The following BEAN1 variants were observed in gnomAD, a reference collection of about 807,000 sequenced individuals.
BEAN1 encodes the protein brain expressed associated with NEDD4 1.
BEAN1 carries 17 observed loss-of-function variants against 17.7 expected under a neutral mutation model. The observed-to-expected ratio is 0.96, with a 90% CI of 0.66 to 1.44. The LOEUF is 1.44. Ranked by LOEUF, BEAN1 falls within the 40% of genes most tolerant of loss-of-function variation. The probability of loss-of-function intolerance (pLI) is 0.00; values close to 1 mark genes in which losing one functional copy is unlikely to be tolerated. For synonymous variants in BEAN1, 142 were observed against 151.8 expected (o/e 0.94, Z 0.47); for missense variants, 359 against 374.1 (o/e 0.96, Z 0.33).
intron 4 of BEAN1, among the ~76,000 whole-genome samples, chr16:66,487,988 G>A (rs554435377): frequency 1.3e-5 from 2 of 152,260 alleles, no homozygotes; most frequent in African/African-American, 2.4e-5. Context: ...AGGCTGCAGC[G>A]AGCCAATGGG....
chr16:66,448,962 A>G (rs1033975583), intron 2 of BEAN1, among the ~76,000 whole-genome samples: 10 of 152,166 alleles, frequency 6.6e-5, no homozygotes, highest in Non-Finnish European at 1.0e-4. Context: ...GTGAGCTACA[A>G]TCTTGCCACT....
chr16:66,479,061 AC>A (rs1963881778), intron 4 of BEAN1: 1 of 152,232 alleles, frequency 6.6e-6, no homozygotes, highest in African/African-American at 2.4e-5. Context: ...CAGGCATGTC[AC>A]TGTGGCTCTC....
intron 2 of BEAN1, among the ~76,000 whole-genome samples, chr16:66,468,807 G>A (rs1270367089): frequency 6.6e-6 from 1 of 152,132 alleles, no homozygotes; most frequent in African/African-American, 2.4e-5. Flanking sequence ...CAGGACCCCA[G>A]CTCCCAAGGC....
chr16:66,474,486 GAC>G (rs965732791), intron 3 of BEAN1, among the ~76,000 whole-genome samples: 3 of 148,372 alleles, frequency 2.0e-5, no homozygotes, highest in African/African-American at 5.0e-5. Flanking sequence ...AGTCTAGCCA[GAC>G]ACAGAGAGGA....
chr16:66,437,671 G>T lies in BEAN1; in HGVS notation c.-6G>T, dbSNP rs1420302457. ...GCTGGCTCCGCTGTTCTGCTCCAAG[G>T]ATTACATGTCCTTCAAACGTCCCTG... On this transcript the variant is annotated 5_prime_UTR_variant, in exon 2 of 5. Coordinates refer to ENST00000536005, the MANE Select transcript of BEAN1 (RefSeq NM_001178020.3). 2 of 1,536,022 alleles carry T rather than the reference G, an allele frequency of 1.3e-6. No homozygotes were observed. The highest frequency in any genetic ancestry group is 1.7e-6 in the Non-Finnish European group (2 of 1,146,838).
chr16:66,438,300 C>T (rs1248644952), intron 2 of BEAN1, among the ~76,000 whole-genome samples: 4 of 152,096 alleles, frequency 2.6e-5, no homozygotes, highest in African/African-American at 9.7e-5. Context: ...AGGAGAATTG[C>T]TTGAATCCGG....
At chr16:66,446,296 A>G (rs965096021) in intron 2 of BEAN1, among the ~76,000 whole-genome samples, 2 of 152,122 alleles carry the variant, frequency 1.3e-5, no homozygotes, top group Non-Finnish European at 2.9e-5. Flanking sequence ...TTGAAGGTGA[A>G]ACTGTTAGGA....
intron 3 of BEAN1, 88 bp from the exon 4 acceptor site, chr16:66,477,472 C>A: frequency 7.5e-7 from 1 of 1,326,786 alleles, no homozygotes; most frequent in Non-Finnish European, 9.8e-7. Context: ...GAATCAGAGC[C>A]TCCATGGCCC....
At chr16:66,489,033 G>C (rs193204807) in intron 4 of BEAN1, among the ~76,000 whole-genome samples, 156 of 152,136 alleles carry the variant, frequency 1.0e-3, no homozygotes, top group African/African-American at 3.7e-3. Flanking sequence ...TTAGCTGGGC[G>C]TGGTGGCGGG....
intron 4 of BEAN1, 150 bp from the exon 5 acceptor site, chr16:66,480,436 G>T: frequency 1.6e-6 from 1 of 621,048 alleles, no homozygotes; most frequent in Non-Finnish European, 2.7e-6. Flanking sequence ...ATGGAGGGAA[G>T]TAGCAGGGTT....
chr16:66,463,334 A>G (rs973253959), intron 2 of BEAN1, among the ~76,000 whole-genome samples: 4 of 152,192 alleles, frequency 2.6e-5, no homozygotes, highest in African/African-American at 4.8e-5. Context: ...GATTATAGCC[A>G]TCCTACTGGG....
At position 66,461,462 on chromosome 16, in the gene BEAN1, C is replaced by T. The variant is rs542842581; in HGVS notation, c.26-8140C>T. Among the ~76,000 whole-genome samples the T allele has an allele frequency of 2.4e-4, 36 of 152,242 alleles. 1 individual carries two copies. Among genetic ancestry groups the T allele is most frequent in the Admixed American group, 2.3e-3 (35 of 15,292 alleles). ...CTGGTGCTGCTAGACAAGGGCAAGG[C>T]TCTCATCTGCTGCTGACGCAGGTGA... On this transcript the variant is annotated intron_variant, in intron 2 of 4. Transcript: ENST00000536005.
At chr16:66,494,116 C>T (rs1964215478), downstream of BEAN1, among the ~76,000 whole-genome samples, 1 of 152,202 alleles carries the variant, frequency 6.6e-6, no homozygotes, top group Admixed American at 6.5e-5. Context: ...AGTGATCTCT[C>T]GCTAGTACAG....
intron 2 of BEAN1, among the ~76,000 whole-genome samples, chr16:66,447,096 C>G (rs994360826): frequency 6.6e-5 from 10 of 152,122 alleles, no homozygotes; most frequent in Non-Finnish European, 1.2e-4. Context: ...ATACCAAGAC[C>G]CTGTCTCTAC....
intron 1 of BEAN1, among the ~76,000 whole-genome samples, chr16:66,433,584 A>AAT (rs1961891620): frequency 1.3e-5 from 2 of 152,078 alleles, no homozygotes; most frequent in Non-Finnish European, 1.5e-5. Context: ...ATAGCTGAGC[A>AAT]ATCCTGCTTC....
chr16:66,472,184 C>A (rs1235301211), intron 3 of BEAN1, among the ~76,000 whole-genome samples: 1 of 152,244 alleles, frequency 6.6e-6, no homozygotes, highest in African/African-American at 2.4e-5. Context: ...CTCACACCTA[C>A]CAGGCAGAGC....
downstream of BEAN1, among the ~76,000 whole-genome samples, chr16:66,493,707 C>T (rs941930995): frequency 5.9e-5 from 9 of 152,140 alleles, no homozygotes; most frequent in South Asian, 4.2e-4. Flanking sequence ...CAGCTCTGCC[C>T]GACACCAGGT....
At chr16:66,452,850 T>G (rs896394762) in intron 2 of BEAN1, among the ~76,000 whole-genome samples, 9 of 152,112 alleles carry the variant, frequency 5.9e-5, no homozygotes, top group Non-Finnish European at 1.2e-4. Context: ...CTCCCCAGGA[T>G]GGAGAGAGGA....
intron 1 of BEAN1, among the ~76,000 whole-genome samples, chr16:66,431,211 G>C (rs1961785716): frequency 6.6e-6 from 1 of 152,326 alleles, no homozygotes; most frequent in Non-Finnish European, 1.5e-5. Flanking sequence ...CATGCCTGTA[G>C]TCAGCTGCTC....
Sources: allele counts gnomAD v4.1 joint callset (sites outside exome capture counted in the v4.1 genomes callset), GRCh38; gene constraint gnomAD v4.1.1; transcripts MANE v1.5; gene names NCBI Gene and HGNC (gene_info 2026-07-23, HGNC 2026-07-21).